The following COPE variants were observed in gnomAD, a reference collection of about 807,000 sequenced individuals.
COPE encodes the protein coatomer subunit epsilon.
In COPE, 19 loss-of-function variants were observed where a neutral mutation model predicts 42.1. That is an observed-to-expected ratio of 0.45 (90% CI 0.31 to 0.66). COPE has a LOEUF of 0.66. Among genes scored for constraint, COPE ranks in the 30% least tolerant of loss-of-function variants. The pLI is 0.05. For synonymous variants in COPE, 195 were observed against 181.3 expected (o/e 1.08, Z -0.60); for missense variants, 402 against 416.1 (o/e 0.97, Z 0.30).
Position 18,907,032 on chromosome 19 carries a change from G to A in COPE, c.371C>T (p.Ala124Val). ...VTNTTFLLMA[A>V]SIYLHDQNPD... is the part of the protein sequence containing the mutation. ...GTTCTGGTCGTGGAGATAGATGGAG[G>A]CGGCCATGAGCAGGAAGGTGGTGTT... The change falls in exon 4 of 10, where the codon GCC becomes GTC. Residue 124 changes from alanine (A) to valine (V), a missense_variant. Ala to Val is a moderately conservative substitution (Grantham distance 64). Coordinates refer to ENST00000262812, the MANE Select transcript of COPE (RefSeq NM_007263.4). 2 of 1,602,294 alleles carry A rather than the reference G, an allele frequency of 1.2e-6. No homozygotes were observed. The highest frequency in any genetic ancestry group is 1.7e-6 in the Non-Finnish European group (2 of 1,175,036).
intron 1 of COPE, among the ~76,000 whole-genome samples, chr19:18,916,269 T>G (rs1030519961): frequency 2.0e-5 from 3 of 149,800 alleles, no homozygotes; most frequent in Non-Finnish European, 4.5e-5. Context: ...AGGAGAATGG[T>G]GTGAACCCAG....
chr19:18,901,456 G>A (rs1236011373), intron 7 of COPE, among the ~76,000 whole-genome samples: 1 of 152,210 alleles, frequency 6.6e-6, no homozygotes, highest in African/African-American at 2.4e-5. Context: ...TTCCTGACTA[G>A]CCCTGACTGC....
intron 8 of COPE, 36 bp downstream of exon 8, chr19:18,900,345 C>T: frequency 6.6e-7 from 1 of 1,522,178 alleles, no homozygotes. Flanking sequence ...AGGGTCTGGA[C>T]ATTAGGGTTG....
At chr19:18,912,839 G>T (rs958618221) in intron 2 of COPE, 145 bp downstream of exon 2, 5 of 703,362 alleles carry the variant, frequency 7.1e-6, no homozygotes, top group Non-Finnish European at 1.2e-5. Flanking sequence ...TGGCTGCGCT[G>T]GCTGTTCACA....
chr19:18,911,718 A>G (rs1166339673), intron 2 of COPE, among the ~76,000 whole-genome samples: 2 of 150,116 alleles, frequency 1.3e-5, no homozygotes, highest in Non-Finnish European at 3.0e-5. Flanking sequence ...CGCCCGGCTA[A>G]TTTTTTTGTA....
intron 8 of COPE, 111 bp downstream of exon 8, chr19:18,900,270 C>T (rs887071218): frequency 2.5e-5 from 22 of 880,060 alleles, no homozygotes. Context: ...CTGCGGTAGG[C>T]ATACTGTATA....
At chr19:18,906,784 G>T in intron 4 of COPE, 176 bp downstream of exon 4, 1 of 674,652 alleles carries the variant, frequency 1.5e-6, no homozygotes, top group Non-Finnish European at 2.4e-6. Flanking sequence ...GCGCAGATGG[G>T]AGTGCCTCCC....
intron 7 of COPE, among the ~76,000 whole-genome samples, chr19:18,901,725 G>A (rs748531021): frequency 2.0e-5 from 3 of 152,232 alleles, no homozygotes; most frequent in Non-Finnish European, 2.9e-5. Context: ...GAGCCCAGGA[G>A]TTCAAGACTA....
Position 18,903,412 on chromosome 19 carries a change from C to A in COPE, c.591G>T (p.Lys197Asn). ...GGAAGATGTAGTAGGCATCCTGCAGCTTCTCACCACCCTGCAGGGAGGGTC... is the reference window on the plus strand; with the variant it reads ...GGAAGATGTAGTAGGCATCCTGCAGATTCTCACCACCCTGCAGGGAGGGTC... ...AWVSLATGGEKLQDAYYIFQE... is the reference protein window; with the variant it reads ...AWVSLATGGENLQDAYYIFQE... The change falls in exon 7 of 10, where the codon AAG becomes AAT. Residue 197 changes from lysine (K) to asparagine (N), a missense_variant. Transcript: ENST00000262812. The A allele has an allele frequency of 6.2e-7, 1 of 1,609,122 alleles. No individual in the cohort carries two copies. Among genetic ancestry groups the A allele is most frequent in the East Asian group, 2.2e-5 (1 of 44,618 alleles).
chr19:18,917,240 T>A (rs1568324276), intron 1 of COPE, among the ~76,000 whole-genome samples: 1 of 131,884 alleles, frequency 7.6e-6, no homozygotes, highest in Non-Finnish European at 1.7e-5. Context: ...ATTCTTTTTT[T>A]CTTTTTTTTT....
chr19:18,915,227 AAAGAGAC>A (rs2056844341), intron 1 of COPE, among the ~76,000 whole-genome samples: 1 of 152,064 alleles, frequency 6.6e-6, no homozygotes, highest in East Asian at 1.9e-4. Flanking sequence ...TAGGGAAAAA[AAAGAGAC>A]AAAAGCTGGC....
At chr19:18,914,368 C>T (rs943177870) in intron 1 of COPE, among the ~76,000 whole-genome samples, 2 of 151,912 alleles carry the variant, frequency 1.3e-5, no homozygotes, top group East Asian at 2.0e-4. Context: ...GGTGAAACCC[C>T]GCCTCTACTT....
intron 1 of COPE, among the ~76,000 whole-genome samples, chr19:18,915,395 G>A (rs1366681025): frequency 1.3e-5 from 2 of 152,332 alleles, no homozygotes; most frequent in Admixed American, 6.5e-5. Context: ...CAAGAGTGCC[G>A]GGAAGCATAA....
chr19:18,903,649 G>A (rs917507448), intron 6 of COPE, among the ~76,000 whole-genome samples: 5 of 152,068 alleles, frequency 3.3e-5, no homozygotes, highest in Admixed American at 2.6e-4. Flanking sequence ...CCCAGCTCCC[G>A]GAGTGCTGAG....
At chr19:18,900,050 G>A (rs1465143828) in intron 8 of COPE, 103 bp from the exon 9 acceptor site, 2 of 978,482 alleles carry the variant, frequency 2.0e-6, no homozygotes, top group South Asian at 1.6e-5. Flanking sequence ...CAGTACCCCA[G>A]GGGGCTCCTC....
At chr19:18,914,922 T>C (rs2056841436) in intron 1 of COPE, among the ~76,000 whole-genome samples, 1 of 151,954 alleles carries the variant, frequency 6.6e-6, no homozygotes, top group Non-Finnish European at 1.5e-5. Flanking sequence ...GAGATGGGGT[T>C]TCACCATATT....
At chr19:18,910,902 CAGGTTCATA>C in intron 3 of COPE, 60 bp downstream of exon 3, 1 of 1,393,968 alleles carries the variant, frequency 7.2e-7, no homozygotes, top group Non-Finnish European at 1.0e-6. Flanking sequence ...CCCACCCACC[CAGGTTCATA>C]ACCAACAGGC....
intron 1 of COPE, among the ~76,000 whole-genome samples, chr19:18,914,258 G>A (rs971053457): frequency 6.6e-6 from 1 of 152,166 alleles, no homozygotes; most frequent in Non-Finnish European, 1.5e-5. Context: ...ACATATTATA[G>A]GCCGGGCATG....
intron 2 of COPE, chr19:18,911,382 A>G (rs538846823): frequency 5.3e-6 from 2 of 375,032 alleles, no homozygotes; most frequent in African/African-American, 2.0e-5. Flanking sequence ...ACCTGGGGGC[A>G]GGGCAGCAGC....
Sources: allele counts gnomAD v4.1 joint callset (sites outside exome capture counted in the v4.1 genomes callset), GRCh38; gene constraint gnomAD v4.1.1; transcripts MANE v1.5; gene names NCBI Gene and HGNC (gene_info 2026-07-23, HGNC 2026-07-21).